PCBP3: variants seen among roughly 807,000 people sequenced by gnomAD.
The protein encoded by PCBP3 is poly(rC) binding protein 3.
PCBP3 carries 25 observed loss-of-function variants against 52.7 expected under a neutral mutation model. That is an observed-to-expected ratio of 0.47 (90% CI 0.35 to 0.66). The LOEUF (loss-of-function observed/expected upper bound fraction) is 0.66. Ranked by LOEUF, PCBP3 falls within the 30% of genes least tolerant of loss-of-function variation. PCBP3 has a pLI of 0.01. For missense variants in PCBP3, 391 were observed against 490.3 expected (o/e 0.80, Z 1.91); for synonymous variants, 162 against 183.0 (o/e 0.89, Z 0.93).
At position 45,876,369 on chromosome 21, in the gene PCBP3, G is replaced by A. The variant is rs116147331; in HGVS notation, c.11-19839G>A. Among the ~76,000 whole-genome samples the A allele has an allele frequency of 9.9e-3, 1,504 of 152,342 alleles. 20 individuals are homozygous for A. Among genetic ancestry groups the A allele is most frequent in the African/African-American group, 0.034 (1,407 of 41,558 alleles). On this transcript the variant is annotated intron_variant, in intron 5 of 17. Transcript: ENST00000681687. ...TAAGGAACACTGGCACCATGAGGGA[G>A]CCTGGCTATGGTCAGGAAAATTCAG...
intron 5 of PCBP3, chr21:45,893,686 TG>T: frequency 2.2e-6 from 2 of 922,414 alleles, no homozygotes; most frequent in Non-Finnish European, 2.5e-6. Flanking sequence ...TCCCATTGCA[TG>T]GGCTAAAATG....
chr21:45,798,257 A>G (rs538273643), intron 4 of PCBP3, among the ~76,000 whole-genome samples: 1,568 of 81,294 alleles, frequency 0.019, 58 homozygotes, highest in African/African-American at 0.067. Flanking sequence ...GCATGGATCC[A>G]TAGAGAGAGT....
chr21:45,677,760 C>T (rs2081561019), intron 2 of PCBP3, among the ~76,000 whole-genome samples: 1 of 152,162 alleles, frequency 6.6e-6, no homozygotes, highest in South Asian at 2.1e-4. Flanking sequence ...AAGAATGATG[C>T]TAAATCTACT....
chr21:45,784,503 G>C (rs1434543108), intron 4 of PCBP3, among the ~76,000 whole-genome samples: 1 of 151,788 alleles, frequency 6.6e-6, no homozygotes, highest in African/African-American at 2.4e-5. Flanking sequence ...GTCTCCCTCT[G>C]ATGCCGAGCC....
At chr21:45,833,807 C>A (rs184199451) in intron 4 of PCBP3, among the ~76,000 whole-genome samples, 23 of 152,366 alleles carry the variant, frequency 1.5e-4, no homozygotes, top group African/African-American at 5.0e-4. Flanking sequence ...ACGGAGGGAC[C>A]ACCTTGCTGG....
At chr21:45,721,910 A>G (rs2084674494) in intron 2 of PCBP3, among the ~76,000 whole-genome samples, 3 of 152,260 alleles carry the variant, frequency 2.0e-5, no homozygotes, top group Admixed American at 6.5e-5. Flanking sequence ...TCAGAGGACT[A>G]CTGTAGGGAA....
In PCBP3 at chr21:45,828,698, G is replaced by A. The variant is rs148429059; in HGVS notation, c.-125-21263G>A. On this transcript the variant is annotated intron_variant, in intron 4 of 17. Coordinates refer to ENST00000681687, the MANE Select transcript of PCBP3 (RefSeq NM_001384156.1). ...TGGGTGGGCTCTGTGCTGTGTGTCC[G>A]TTGTGTGCAACTCAAAGGTGCCTGC... 1,340 of 152,986 alleles carry A rather than the reference G, an allele frequency of 8.8e-3. 85 individuals carry two copies. The highest frequency in any genetic ancestry group is 0.083 in the Admixed American group (1,277 of 15,350). The allele number at this position is 152,986 out of a possible 1,614,324, so 9.5% of individuals were successfully genotyped here.
chr21:45,844,399 C>G (rs1491001395), intron 4 of PCBP3, among the ~76,000 whole-genome samples: 1 of 152,080 alleles, frequency 6.6e-6, no homozygotes, highest in Non-Finnish European at 1.5e-5. Context: ...TCACATGGTC[C>G]AGATGTCACC....
At chr21:45,762,991 T>C (rs1016858586) in intron 4 of PCBP3, 1 of 152,166 alleles carries the variant, frequency 6.6e-6, no homozygotes, top group Non-Finnish European at 1.5e-5. Flanking sequence ...TTAGGATAGG[T>C]TTTCTCTAGG....
intron 2 of PCBP3, among the ~76,000 whole-genome samples, chr21:45,672,291 G>T (rs918953286): frequency 6.6e-6 from 1 of 152,064 alleles, no homozygotes; most frequent in Non-Finnish European, 1.5e-5. Flanking sequence ...TTCTATAACT[G>T]TAAGAAGTAA....
chr21:45,842,919 G>T (rs899211961), intron 4 of PCBP3, among the ~76,000 whole-genome samples: 1 of 152,162 alleles, frequency 6.6e-6, no homozygotes, highest in Non-Finnish European at 1.5e-5. Flanking sequence ...GACCTAATAG[G>T]TTCCTCCTTT....
At chr21:45,814,155 C>A (rs886119181) in intron 4 of PCBP3, among the ~76,000 whole-genome samples, 2 of 152,024 alleles carry the variant, frequency 1.3e-5, no homozygotes, top group Non-Finnish European at 2.9e-5. Context: ...TTAAACACTT[C>A]GAAACATAGA....
chr21:45,647,387 C>G (rs138172803), intron 1 of PCBP3, among the ~76,000 whole-genome samples: 123 of 152,216 alleles, frequency 8.1e-4, no homozygotes, highest in African/African-American at 2.9e-3. Flanking sequence ...CTCACCTGTT[C>G]GGATTGAGGA....
chr21:45,743,912 G>GATAGA (rs1318925670), intron 3 of PCBP3, among the ~76,000 whole-genome samples: 3 of 151,790 alleles, frequency 2.0e-5, no homozygotes, highest in African/African-American at 7.3e-5. Context: ...ATCAGCCTTC[G>GATAGA]ATAGAATTCT....
At chr21:45,697,407 T>C (rs2082849368) in intron 2 of PCBP3, among the ~76,000 whole-genome samples, 1 of 152,166 alleles carries the variant, frequency 6.6e-6, no homozygotes, top group African/African-American at 2.4e-5. Flanking sequence ...AATAATTTAA[T>C]TTTTAAAAAC....
chr21:45,771,518 G>T (rs534557569), intron 4 of PCBP3, among the ~76,000 whole-genome samples: 64 of 152,296 alleles, frequency 4.2e-4, no homozygotes, highest in African/African-American at 1.4e-3. Context: ...ACGAAAAACA[G>T]TATCATTTTA....
chr21:45,699,983 A>C (rs1382002810), intron 2 of PCBP3, among the ~76,000 whole-genome samples: 1 of 152,156 alleles, frequency 6.6e-6, no homozygotes, highest in Non-Finnish European at 1.5e-5. Context: ...CAGTTCCCCA[A>C]AGTCTTAACT....
At chr21:45,855,687 G>A (rs1414861418) in intron 5 of PCBP3, among the ~76,000 whole-genome samples, 1 of 152,254 alleles carries the variant, frequency 6.6e-6, no homozygotes, top group Non-Finnish European at 1.5e-5. Context: ...AGTGTGTGGG[G>A]TCAGGCCCAC....
At chr21:45,875,135 A>G (rs970723251) in intron 5 of PCBP3, among the ~76,000 whole-genome samples, 40 of 152,206 alleles carry the variant, frequency 2.6e-4, no homozygotes, top group African/African-American at 9.2e-4. Context: ...AGCGGCAGCC[A>G]GACAGGCTGG....
Sources: gnomAD v4.1 joint callset for allele counts (sites outside exome capture counted in the v4.1 genomes callset) on GRCh38, gnomAD v4.1.1 for gene constraint, MANE v1.5 for transcripts, NCBI Gene and HGNC (gene_info 2026-07-23, HGNC 2026-07-21) for gene names.